The following VSTM2B variants were observed in gnomAD, a reference collection of about 807,000 sequenced individuals.
The protein encoded by VSTM2B is V-set and transmembrane domain-containing protein 2B.
A neutral mutation model predicts 24.0 loss-of-function variants in VSTM2B; 24 were observed. The ratio of observed to expected loss-of-function variants is 1.00; its 90% CI spans 0.72 to 1.40. The LOEUF (loss-of-function observed/expected upper bound fraction) is 1.40. VSTM2B is among the 40% of genes most tolerant of loss of function. The probability of loss-of-function intolerance (pLI) is 0.00; values close to 1 mark genes in which losing one functional copy is unlikely to be tolerated. For synonymous variants in VSTM2B, 226 were observed against 194.4 expected, an observed-to-expected ratio of 1.16 and a Z score of -1.35; for missense variants, 399 against 416.4, an observed-to-expected ratio of 0.96 and a Z score of 0.36.
At chr19:29,551,879 A>T (rs767432279) in intron 4 of VSTM2B, among the ~76,000 whole-genome samples, 74 of 152,262 alleles carry the variant, frequency 4.9e-4, no homozygotes, top group Non-Finnish European at 8.5e-4. Context: ...AGGAACACAG[A>T]TGTCTCCACG....
chr19:29,563,141 C>A (rs1970573502), intron 4 of VSTM2B, among the ~76,000 whole-genome samples: 1 of 151,992 alleles, frequency 6.6e-6, no homozygotes, highest in Non-Finnish European at 1.5e-5. Context: ...GCACAAGGGA[C>A]AGAATTGTGT....
chr19:29,563,506 G>T (rs1175605038), intron 4 of VSTM2B, among the ~76,000 whole-genome samples: 2 of 152,084 alleles, frequency 1.3e-5, no homozygotes, highest in South Asian at 2.1e-4. Context: ...GCCTCCCAAA[G>T]TGTTGGGATT....
intron 4 of VSTM2B, among the ~76,000 whole-genome samples, chr19:29,555,949 A>G (rs1056584814): frequency 5.3e-5 from 8 of 152,182 alleles, no homozygotes; most frequent in African/African-American, 1.9e-4. Flanking sequence ...CTGGGACCAG[A>G]TGGATTTACA....
At chr19:29,557,506 C>T (rs931565909) in intron 4 of VSTM2B, among the ~76,000 whole-genome samples, 8 of 151,862 alleles carry the variant, frequency 5.3e-5, no homozygotes, top group African/African-American at 1.2e-4. Flanking sequence ...AAGACCAGCC[C>T]GACCAACATG....
At chr19:29,543,779 T>C (rs60276423) in intron 4 of VSTM2B, among the ~76,000 whole-genome samples, 3,136 of 152,250 alleles carry the variant, frequency 0.021, 108 homozygotes, top group African/African-American at 0.072. Context: ...ATAGGGCTAG[T>C]ATAGGAGACT....
At chr19:29,530,352 G>T (rs1969719687) in intron 4 of VSTM2B, 62 bp downstream of exon 4, 1 of 1,388,904 alleles carries the variant, frequency 7.2e-7, no homozygotes, top group East Asian at 3.1e-5. Flanking sequence ...GCTGCGCCGG[G>T]ACGCCCCGGG....
chr19:29,526,778 C>T lies in VSTM2B; in HGVS notation c.82+113C>T. Reference sequence around the variant, plus strand: ...GGGAAGCTTCGCGGTCTCCAGCAATCCCGCTGTGCAGCCTGGGCCCGGAGG... The same window carrying T: ...GGGAAGCTTCGCGGTCTCCAGCAATTCCGCTGTGCAGCCTGGGCCCGGAGG... On this transcript the variant is annotated intron_variant, in intron 1 of 4. Coordinates refer to ENST00000335523, the MANE Select transcript of VSTM2B (RefSeq NM_001146339.2). This position sits in a 1 kb window ranked among gnomAD's most constrained non-coding sequence, Gnocchi z 4.1. 2 of 1,025,464 alleles carry T rather than the reference C, an allele frequency of 2.0e-6. No individual in the cohort carries two copies. Among genetic ancestry groups the T allele is most frequent in the South Asian group, 1.6e-5 (1 of 64,184 alleles). The allele number at this position is 1,025,464 out of a possible 1,614,324, so 63.5% of individuals were successfully genotyped here.
chr19:29,529,475 G>T (rs1422156800), intron 3 of VSTM2B, among the ~76,000 whole-genome samples: 2 of 152,206 alleles, frequency 1.3e-5, no homozygotes, highest in African/African-American at 4.8e-5. Context: ...GAAGGTGCAG[G>T]AGGGAGGAAG....
At chr19:29,563,249 T>TC (rs1233198480) in intron 4 of VSTM2B, among the ~76,000 whole-genome samples, 2 of 88,484 alleles carry the variant, frequency 2.3e-5, no homozygotes, top group Non-Finnish European at 4.9e-5. Flanking sequence ...AAGCATATTG[T>TC]CTTTTTTTTT....
rs1223002852 is a variant in VSTM2B at position 29,526,512 on chromosome 19, G to A, written c.-72G>A. ...CGGAGGCGTCCTAGCCCGAGCCGGA[G>A]CCGATCCGAGCCCACGCGGCCGCCG... is the stretch of plus-strand genomic sequence containing the variant. On this transcript the variant is annotated 5_prime_UTR_variant, in exon 1 of 5. Transcript: ENST00000335523. The surrounding 1 kb of genome is among the most constrained non-coding windows in gnomAD (Gnocchi z 4.1). 7.8e-7 allele frequency: 1 copy of A among 1,277,102 alleles called. No individual in the cohort carries two copies. Among genetic ancestry groups the A allele is most frequent in the African/African-American group, 1.6e-5 (1 of 63,400 alleles). 79.1% of individuals were successfully genotyped at this position (1,277,102 alleles called of 1,614,324 possible).
chr19:29,536,841 T>G (rs1969902333), intron 4 of VSTM2B, among the ~76,000 whole-genome samples: 1 of 152,170 alleles, frequency 6.6e-6, no homozygotes, highest in African/African-American at 2.4e-5. Flanking sequence ...ATATTAAGGA[T>G]TCCCCAAGCA....
intron 4 of VSTM2B, among the ~76,000 whole-genome samples, chr19:29,553,031 C>T (rs1252082021): frequency 6.6e-6 from 1 of 152,172 alleles, no homozygotes; most frequent in Admixed American, 6.5e-5. Context: ...TTAGTCTTTT[C>T]CCCTGCTGGC....
intron 4 of VSTM2B, among the ~76,000 whole-genome samples, chr19:29,546,555 G>A (rs1156795917): frequency 6.6e-6 from 1 of 152,236 alleles, no homozygotes; most frequent in Non-Finnish European, 1.5e-5. Context: ...TGAGAATTGT[G>A]TGCCTTTTTA....
chr19:29,529,356 C>A (rs1385199327), intron 3 of VSTM2B, among the ~76,000 whole-genome samples: 1 of 151,966 alleles, frequency 6.6e-6, no homozygotes, highest in African/African-American at 2.4e-5. Flanking sequence ...GCCCTCCGTG[C>A]TCCGGGAGGT....
intron 4 of VSTM2B, among the ~76,000 whole-genome samples, chr19:29,547,812 T>C (rs1970186621): frequency 6.6e-6 from 1 of 152,036 alleles, no homozygotes; most frequent in Non-Finnish European, 1.5e-5. Context: ...GGGCTAGTCG[T>C]TCTGCGGGGT....
intron 4 of VSTM2B, among the ~76,000 whole-genome samples, chr19:29,545,945 G>T (rs941538896): frequency 6.6e-6 from 1 of 152,208 alleles, no homozygotes; most frequent in African/African-American, 2.4e-5. Flanking sequence ...TGACTGGCTT[G>T]CGGGGGCTTG....
At chr19:29,531,704 C>T (rs1969763808) in intron 4 of VSTM2B, among the ~76,000 whole-genome samples, 1 of 152,232 alleles carries the variant, frequency 6.6e-6, no homozygotes, top group Non-Finnish European at 1.5e-5. Flanking sequence ...AAGGTAGGGA[C>T]CTGCAAAGAG....
intron 4 of VSTM2B, among the ~76,000 whole-genome samples, chr19:29,554,155 T>A (rs1470927675): frequency 6.6e-6 from 1 of 151,506 alleles, no homozygotes; most frequent in Non-Finnish European, 1.5e-5. Context: ...AAGAAAAAAA[T>A]GTAAAGGGCA....
At chr19:29,557,614 G>T (rs112416244) in intron 4 of VSTM2B, among the ~76,000 whole-genome samples, 13,273 of 151,792 alleles carry the variant, frequency 0.087, 1,211 homozygotes, top group African/African-American at 0.23. Context: ...CAGGAGAATT[G>T]CTTGAACCCG....
Sources: gnomAD v4.1 joint callset for allele counts (sites outside exome capture counted in the v4.1 genomes callset) on GRCh38, gnomAD v4.1.1 for gene constraint, Gnocchi (gnomAD v3.1) non-coding constraint, MANE v1.5 for transcripts, NCBI Gene and HGNC (gene_info 2026-07-23, HGNC 2026-07-21) for gene names.